PRDM2: variants seen among roughly 807,000 people sequenced by gnomAD.
PRDM2 encodes PR/SET domain 2.
A neutral mutation model predicts 130.0 loss-of-function variants in PRDM2; 30 were observed. The ratio of observed to expected loss-of-function variants is 0.23; its 90% CI spans 0.17 to 0.31. The LOEUF (loss-of-function observed/expected upper bound fraction) is 0.31. Ranked by LOEUF, PRDM2 falls within the 10% of genes least tolerant of loss-of-function variation. PRDM2 has a pLI of 1.00. For synonymous variants in PRDM2, 871 were observed against 782.4 expected (o/e 1.11, Z -1.89); for missense variants, 2,011 against 2,108.4 (o/e 0.95, Z 0.90).
At chr1:13,813,021 C>T (rs900890991) in intron 8 of PRDM2, among the ~76,000 whole-genome samples, 12 of 152,180 alleles carry the variant, frequency 7.9e-5, no homozygotes, top group African/African-American at 2.9e-4. Context: ...AGGTCTCCAG[C>T]GGCCATACTG....
intron 6 of PRDM2, among the ~76,000 whole-genome samples, chr1:13,762,853 G>A (rs556537673): frequency 6.6e-6 from 1 of 152,244 alleles, no homozygotes; most frequent in East Asian, 1.9e-4. Flanking sequence ...GTGTCGGTCC[G>A]TGAGTGCTCA....
intron 8 of PRDM2, among the ~76,000 whole-genome samples, chr1:13,791,686 G>C (rs539892095): frequency 1.3e-5 from 2 of 152,302 alleles, no homozygotes; most frequent in South Asian, 4.1e-4. Flanking sequence ...TAGTTTTCTA[G>C]ATTAAGAATT....
At position 13,780,625 on chromosome 1, in the gene PRDM2, G is replaced by C; in HGVS notation, c.2830G>C (p.Val944Leu). Residue 944 changes from valine (V) to leucine (L), a missense_variant, in exon 8 of 10, where the codon GTT (valine) becomes CTT (leucine). This residue lies in a region of PRDM2 where 1,288 missense variants were observed against 1,237.7 expected (regional missense o/e 1.04). Coordinates refer to ENST00000311066, the MANE Select transcript of PRDM2 (RefSeq NM_001393986.1). ...CCCTACTGTTGAGTCCACACCTGAT[G>C]TTTGTCCTTCATCACCTGCCCTGCA... ...PAPTVESTPD[V>L]CPSSPALQTP... The C allele has an allele frequency of 4.3e-6, 7 of 1,613,882 alleles. No individual in the cohort carries two copies. Among genetic ancestry groups the C allele is most frequent in the Non-Finnish European group, 5.9e-6 (7 of 1,179,914 alleles).
At chr1:13,797,016 AAG>A (rs1171126538) in intron 8 of PRDM2, among the ~76,000 whole-genome samples, 1 of 152,238 alleles carries the variant, frequency 6.6e-6, no homozygotes, top group Non-Finnish European at 1.5e-5. Flanking sequence ...GTTCTGAAAC[AAG>A]AGTTTCCTTC....
chr1:13,768,103 A>T (rs1569942841), intron 6 of PRDM2, among the ~76,000 whole-genome samples: 1 of 115,694 alleles, frequency 8.6e-6, no homozygotes, highest in Non-Finnish European at 1.7e-5. Flanking sequence ...TTTGAGACGG[A>T]GTCTCGCTCT....
intron 9 of PRDM2, 150 bp downstream of exon 9, chr1:13,816,720 G>A: frequency 1.8e-6 from 2 of 1,099,438 alleles, no homozygotes; most frequent in Admixed American, 2.9e-5. Flanking sequence ...CTCCAGGAGG[G>A]CACTTAGCTG....
chr1:13,780,830 C>T lies in PRDM2; in HGVS notation c.3035C>T (p.Ser1012Leu). ...ASPHPCPSPLSNATAQSPLPI... is the reference protein window; with the variant it reads ...ASPHPCPSPLLNATAQSPLPI... Reference sequence around the variant, plus strand: ...CCACACCCATGCCCCTCTCCACTCTCAAATGCCACCGCACAGTCCCCACTT... The same window carrying T: ...CCACACCCATGCCCCTCTCCACTCTTAAATGCCACCGCACAGTCCCCACTT... The change falls in exon 8 of 10, where the codon TCA (serine) becomes TTA (leucine). Residue 1012 changes from serine to leucine, a missense_variant. Coordinates refer to ENST00000311066, the MANE Select transcript of PRDM2 (RefSeq NM_001393986.1). 6.2e-7 allele frequency: 1 copy of T among 1,604,496 alleles called. No homozygotes were observed. The highest frequency in any genetic ancestry group is 8.5e-7 in the Non-Finnish European group (1 of 1,173,348).
intron 8 of PRDM2, among the ~76,000 whole-genome samples, chr1:13,815,763 G>T (rs573979581): frequency 6.6e-6 from 1 of 152,226 alleles, no homozygotes; most frequent in Admixed American, 6.5e-5. Context: ...GTGGTTGGGG[G>T]TGCTTTTCTG....
intron 6 of PRDM2, among the ~76,000 whole-genome samples, chr1:13,749,792 A>C (rs953326067): frequency 2.0e-5 from 3 of 152,032 alleles, no homozygotes; most frequent in Admixed American, 1.3e-4. Flanking sequence ...GGCGGCAGAA[A>C]GTGCGCGGAC....
At chr1:13,818,874 G>T (rs1012554258) in intron 9 of PRDM2, among the ~76,000 whole-genome samples, 5 of 152,148 alleles carry the variant, frequency 3.3e-5, no homozygotes, top group Non-Finnish European at 7.3e-5. Flanking sequence ...CCCTGAGCTG[G>T]AGTCTCATGG....
rs148083107 is a variant in PRDM2, at chr1:13,782,528, C to G, written c.4733C>G (p.Pro1578Arg). ...TCCTCCTCTTTAAGGAACTCCAGCC[C>G]GATAAGAATGGCCAAAATAACTCAT... ...PSSSSLRNSS[P>R]IRMAKITHVE... Residue 1578 changes from proline to arginine, a missense_variant, in exon 8 of 10, where the codon CCG (proline) becomes CGG (arginine). This residue lies in a region of PRDM2 where 410 missense variants were observed against 395.9 expected (regional missense o/e 1.04). Coordinates refer to ENST00000311066, the MANE Select transcript of PRDM2 (RefSeq NM_001393986.1). 3.1e-6 allele frequency: 5 copies of G among 1,613,910 alleles called. No individual in the cohort carries two copies. Among genetic ancestry groups the G allele is most frequent in the Non-Finnish European group, 4.2e-6 (5 of 1,180,022 alleles).
intron 8 of PRDM2, chr1:13,787,299 G>A: frequency 1.0e-6 from 1 of 984,404 alleles, no homozygotes; most frequent in South Asian, 4.7e-5. Context: ...CTACACGTAA[G>A]TATAAATGAA....
intron 1 of PRDM2, among the ~76,000 whole-genome samples, chr1:13,709,715 C>T (rs1642311521): frequency 6.6e-6 from 1 of 152,102 alleles, no homozygotes; most frequent in African/African-American, 2.4e-5. Flanking sequence ...TGTTTTCATT[C>T]TGGTCTTTTA....
At chr1:13,744,793 A>T (rs543375978) in intron 5 of PRDM2, among the ~76,000 whole-genome samples, 155 of 152,316 alleles carry the variant, frequency 1.0e-3, no homozygotes, top group Non-Finnish European at 1.5e-3. Flanking sequence ...TATCTTTGAT[A>T]TCTGCTCAAG....
intron 6 of PRDM2, among the ~76,000 whole-genome samples, chr1:13,753,874 T>C (rs1643890576): frequency 6.6e-6 from 1 of 152,182 alleles, no homozygotes; most frequent in Non-Finnish European, 1.5e-5. Flanking sequence ...CAAGTATTCC[T>C]TGCATCTGTG....
At chr1:13,743,698 T>C (rs947257352) in intron 5 of PRDM2, among the ~76,000 whole-genome samples, 1 of 152,232 alleles carries the variant, frequency 6.6e-6, no homozygotes, top group Non-Finnish European at 1.5e-5. Context: ...GCAGTAGGCC[T>C]TCTGAAGTTT....
Position 13,816,410 on chromosome 1 carries a change from T to A in PRDM2, c.5037-17T>A. 6.2e-7 allele frequency: 1 copy of A among 1,613,810 alleles called. No individual in the cohort carries two copies. On this transcript the variant is annotated splice_polypyrimidine_tract_variant and intron_variant, in intron 8 of 9. Coordinates refer to ENST00000311066, the MANE Select transcript of PRDM2 (RefSeq NM_001393986.1). ...TGGGCTCCTGTGACAATGTGTGTTG[T>A]TCCTCTTCCTGCACAGCTACAGCCT...
At chr1:13,812,253 A>G (rs1370567624) in intron 8 of PRDM2, among the ~76,000 whole-genome samples, 3 of 152,046 alleles carry the variant, frequency 2.0e-5, no homozygotes, top group East Asian at 1.9e-4. Context: ...GGTGGTGGCA[A>G]TGGGAGTGGA....
Position 13,823,354 on chromosome 1 carries a change from G to C in PRDM2, c.*219G>C. ...TCTTCAAACGAGGGTCCCGATCCCC[G>C]GGGCGGCAGGAAGGGGGCCGACTCC... On this transcript the variant is annotated 3_prime_UTR_variant, in exon 10 of 10. Coordinates refer to ENST00000311066, the MANE Select transcript of PRDM2 (RefSeq NM_001393986.1). 1.4e-6 allele frequency: 1 copy of C among 722,268 alleles called. No homozygotes were observed. The highest frequency in any genetic ancestry group is 2.4e-6 in the Non-Finnish European group (1 of 419,374). 44.7% of individuals were successfully genotyped at this position (722,268 alleles called of 1,614,324 possible). A position where few individuals can be genotyped will look rare whatever the true frequency, so the allele number is the denominator to read the frequency against.
Sources: gnomAD v4.1 joint callset for allele counts (sites outside exome capture counted in the v4.1 genomes callset) on GRCh38, gnomAD v4.1.1 for gene constraint, gnomAD v4.1.1 regional missense constraint, MANE v1.5 for transcripts, NCBI Gene and HGNC (gene_info 2026-07-23, HGNC 2026-07-21) for gene names.